The following ZNF536 variants were observed in gnomAD, a reference collection of about 807,000 sequenced individuals.
ZNF536 encodes zinc finger protein 536.
A neutral mutation model predicts 84.5 loss-of-function variants in ZNF536; 13 were observed. The observed-to-expected ratio is 0.15, with a 90% CI of 0.10 to 0.24. ZNF536 has a LOEUF of 0.24. Among genes scored for constraint, ZNF536 ranks in the 10% least tolerant of loss-of-function variants. The pLI is 1.00. For missense variants in ZNF536, 1,536 were observed against 1,747.5 expected (o/e 0.88, Z 2.16); for synonymous variants, 811 against 742.5 (o/e 1.09, Z -1.50).
intron 3 of ZNF536, among the ~76,000 whole-genome samples, chr19:30,354,846 C>G (rs1476580318): frequency 6.6e-6 from 1 of 152,182 alleles, no homozygotes; most frequent in Non-Finnish European, 1.5e-5. Context: ...TTCTTGGGCC[C>G]TGAAGTTGAA....
At chr19:30,562,435 T>C (rs1196699990), downstream of ZNF536, among the ~76,000 whole-genome samples, 1 of 152,200 alleles carries the variant, frequency 6.6e-6, no homozygotes, top group Non-Finnish European at 1.5e-5. Flanking sequence ...GATTTTCTTT[T>C]AATTGTGGAA....
chr19:30,530,850 C>T (rs764740795), intron 2 of ZNF536, among the ~76,000 whole-genome samples: 8 of 152,228 alleles, frequency 5.3e-5, no homozygotes, highest in African/African-American at 7.2e-5. Flanking sequence ...AGCAGATGCA[C>T]GTTCCCCTCT....
Position 30,548,156 on chromosome 19 carries a change from C to T in ZNF536, c.2537C>T (p.Pro846Leu), listed in dbSNP as rs1306477627. The T allele has an allele frequency of 6.8e-6, 11 of 1,614,000 alleles. No homozygotes were observed. The highest frequency in any genetic ancestry group is 9.3e-6 in the Non-Finnish European group (11 of 1,180,008). The change falls in exon 4 of 5, where the codon CCT becomes CTT. Residue 846 changes from proline to leucine, a missense_variant. Coordinates refer to ENST00000355537, the MANE Select transcript of ZNF536 (RefSeq NM_014717.3). ...DILRGAFKGL[P>L]GIDFRGGPAS... The stretch of plus-strand genomic sequence containing the variant: ...CTGAGGGGGGCCTTCAAGGGTCTCC[C>T]TGGAATCGACTTCAGAGGAGGCCCT...
intron 1 of ZNF536, among the ~76,000 whole-genome samples, chr19:30,282,610 A>C (rs2045488825): frequency 6.6e-6 from 1 of 152,154 alleles, no homozygotes; most frequent in African/African-American, 2.4e-5. Context: ...CATCTCCTGC[A>C]ACCCCCTCCC....
At chr19:30,436,576 C>A in intron 1 of ZNF536, 1 of 886,074 alleles carries the variant, frequency 1.1e-6, no homozygotes, top group Non-Finnish European at 1.4e-6. Flanking sequence ...TGTTTAATGA[C>A]CCTGAAAAGG....
Position 30,430,419 on chromosome 19 carries a change from T to C in ZNF536, c.-2-13142T>C, listed in dbSNP as rs562120119. On this transcript the variant is annotated intron_variant, in intron 1 of 4. Transcript: ENST00000355537. ...ACCCTGGTGAAGCCGATGGTCACAG[T>C]GTGGCCCTCATGGGGTTTTGGACAG... is the stretch of plus-strand genomic sequence containing the variant. Among the ~76,000 whole-genome samples the C allele has an allele frequency of 1.3e-5, 2 of 152,290 alleles. 1 individual carries two copies. The highest frequency in any genetic ancestry group is 4.1e-4 in the South Asian group (2 of 4,826).
At chr19:30,402,794 A>ATATAT (rs1555744970) in intron 1 of ZNF536, among the ~76,000 whole-genome samples, 1 of 76,736 alleles carries the variant, frequency 1.3e-5, no homozygotes, top group Non-Finnish European at 3.0e-5. Flanking sequence ...TTAAAATTAA[A>ATATAT]AAATATATAT....
chr19:30,545,006 C>T (rs1437420497), intron 3 of ZNF536, among the ~76,000 whole-genome samples: 6 of 152,174 alleles, frequency 3.9e-5, no homozygotes, highest in African/African-American at 1.2e-4. Context: ...TTCATGGTTC[C>T]CACTTCAAAG....
At chr19:30,650,856 C>T (rs1178444464) in intron 1 of ZNF536, among the ~76,000 whole-genome samples, 1 of 152,176 alleles carries the variant, frequency 6.6e-6, no homozygotes, top group Non-Finnish European at 1.5e-5. Context: ...TCGTCAGTGA[C>T]GCTGGGACGT....
intron 1 of ZNF536, among the ~76,000 whole-genome samples, chr19:30,415,243 C>T (rs1221434799): frequency 1.9e-5 from 2 of 106,186 alleles, no homozygotes; most frequent in Non-Finnish European, 3.8e-5. Flanking sequence ...CCCCCTCCTC[C>T]TCTTCTCCCT....
At chr19:30,609,695 C>T (rs147693559) in intron 1 of ZNF536, among the ~76,000 whole-genome samples, 69 of 152,318 alleles carry the variant, frequency 4.5e-4, no homozygotes, top group African/African-American at 1.6e-3. Context: ...TGCTTCAAGA[C>T]ATTTGTTTAT....
chr19:30,411,391 T>G (rs2050489043), intron 1 of ZNF536, among the ~76,000 whole-genome samples: 1 of 152,214 alleles, frequency 6.6e-6, no homozygotes, highest in African/African-American at 2.4e-5. Flanking sequence ...GGAATATAGT[T>G]AAAGATACAT....
chr19:30,284,283 T>C (rs368577298), intron 2 of ZNF536: 62 of 152,386 alleles, frequency 4.1e-4, no homozygotes, highest in African/African-American at 1.5e-3. Flanking sequence ...GGAGGTAGCA[T>C]GGGTTCCATA....
At chr19:30,497,148 A>G (rs1008012421) in intron 2 of ZNF536, among the ~76,000 whole-genome samples, 1 of 152,174 alleles carries the variant, frequency 6.6e-6, no homozygotes, top group African/African-American at 2.4e-5. Context: ...CACAATGCCC[A>G]TCGGCTGTGG....
chr19:30,622,527 G>A (rs753478928), intron 1 of ZNF536, among the ~76,000 whole-genome samples: 26 of 152,200 alleles, frequency 1.7e-4, no homozygotes, highest in Non-Finnish European at 1.8e-4. Flanking sequence ...TGCTGGAGTC[G>A]CATAATAGAC....
chr19:30,579,712 C>T (rs1271598368), intron 1 of ZNF536, among the ~76,000 whole-genome samples: 2 of 152,140 alleles, frequency 1.3e-5, no homozygotes, highest in Non-Finnish European at 2.9e-5. Context: ...TTTCTGTCCC[C>T]ACATCCCCAA....
intron 1 of ZNF536, among the ~76,000 whole-genome samples, chr19:30,660,337 G>C (rs1195307736): frequency 6.6e-6 from 1 of 152,128 alleles, no homozygotes; most frequent in East Asian, 1.9e-4. Flanking sequence ...TTTCACCTAA[G>C]AGCTGTCACA....
At chr19:30,607,243 G>T (rs983209743) in intron 1 of ZNF536, among the ~76,000 whole-genome samples, 3 of 152,020 alleles carry the variant, frequency 2.0e-5, no homozygotes, top group African/African-American at 7.2e-5. Context: ...GCTTTCAAAT[G>T]TTTTTTTAAA....
chr19:30,592,838 G>C lies in ZNF536; in HGVS notation c.169+43324G>C, dbSNP rs112340936. Among the ~76,000 whole-genome samples, 347 of 152,302 alleles carry C rather than the reference G, an allele frequency of 2.3e-3. 2 individuals carry two copies. The highest frequency in any genetic ancestry group is 7.7e-3 in the African/African-American group (319 of 41,580). On this transcript the variant is annotated intron_variant, in intron 1 of 1. Coordinates refer to the ZNF536 transcript ENST00000592773. The stretch of plus-strand genomic sequence containing the variant: ...AGCAAATTCTTGTAAGTGATTGCTA[G>C]ATATAGCGCATTTCTCACTTAGGTG...
Sources: gnomAD v4.1 joint callset for allele counts (sites outside exome capture counted in the v4.1 genomes callset) on GRCh38, gnomAD v4.1.1 for gene constraint, MANE v1.5 for transcripts, NCBI Gene and HGNC (gene_info 2026-07-23, HGNC 2026-07-21) for gene names.